The following RAD51B variants were observed in gnomAD, a reference collection of about 807,000 sequenced individuals.
The protein encoded by RAD51B is DNA repair protein RAD51 homolog 2.
RAD51B carries 38 observed loss-of-function variants against 42.2 expected under a neutral mutation model. The ratio of observed to expected loss-of-function variants is 0.90; its 90% CI spans 0.70 to 1.18. RAD51B has a LOEUF of 1.18. Among genes scored for constraint, RAD51B ranks in the 50% most tolerant of loss-of-function variants. The pLI, the probability that RAD51B is intolerant of heterozygous loss-of-function variation, is 0.00. For synonymous variants in RAD51B, 154 were observed against 145.2 expected (o/e 1.06, Z -0.43); for missense variants, 373 against 400.7 (o/e 0.93, Z 0.59).
At position 68,574,890 on chromosome 14, in the gene RAD51B, G is replaced by A. The variant is rs539664309; in HGVS notation, c.1037-19595G>A. ...TTTTGGTCTCCAGTAGCTATGAAGTGTGGGGGGGATTGGGGAAATAAGCCC... is the reference window on the plus strand; with the variant it reads ...TTTTGGTCTCCAGTAGCTATGAAGTATGGGGGGGATTGGGGAAATAAGCCC... On this transcript the variant is annotated intron_variant, in intron 10 of 10. Coordinates refer to the RAD51B transcript ENST00000487270. Among the ~76,000 whole-genome samples the A allele has an allele frequency of 3.3e-5, 5 of 152,342 alleles. No individual in the cohort carries two copies. The South Asian group carries it at 8.3e-4, about 25-fold the overall frequency.
chr14:68,200,905 G>A (rs888438175), intron 7 of RAD51B, among the ~76,000 whole-genome samples: 6 of 151,928 alleles, frequency 3.9e-5, no homozygotes, highest in East Asian at 1.9e-4. Flanking sequence ...CAATCCTCCC[G>A]CCTTGGTCTC....
intron 10 of RAD51B, among the ~76,000 whole-genome samples, chr14:68,543,879 G>C (rs889706311): frequency 6.6e-6 from 1 of 152,100 alleles, no homozygotes; most frequent in Non-Finnish European, 1.5e-5. Flanking sequence ...TCCTAATCTA[G>C]GACTCTTTTT....
At chr14:68,241,048 A>G (rs1350515216) in intron 7 of RAD51B, among the ~76,000 whole-genome samples, 5 of 152,150 alleles carry the variant, frequency 3.3e-5, no homozygotes, top group Admixed American at 6.5e-5. Flanking sequence ...TTCACCCCAG[A>G]TATCTACCTG....
In RAD51B at chr14:68,533,992, AAAAC is replaced by A. The variant is rs144624618; in HGVS notation, c.1037-60490_1037-60487del. On this transcript the variant is annotated intron_variant, in intron 10 of 10. Transcript: ENST00000487270. Reference sequence around the variant, plus strand: ...CATGGAATTGATCATGGGTAAAGAGAAAACAAGGACATGCGAGGAGGTGATAAAT... The same window carrying A: ...CATGGAATTGATCATGGGTAAAGAGAAAGGACATGCGAGGAGGTGATAAAT... 6.0e-3 allele frequency among the ~76,000 whole-genome samples: 913 copies of A among 152,330 alleles called. 12 individuals are homozygous for A. The highest frequency in any genetic ancestry group is 0.021 in the African/African-American group (886 of 41,584).
intron 7 of RAD51B, among the ~76,000 whole-genome samples, chr14:68,077,895 G>T (rs780212160): frequency 1.6e-4 from 24 of 152,232 alleles, no homozygotes; most frequent in Non-Finnish European, 2.6e-4. Context: ...AGTGGAGGTT[G>T]CAGTGAGCCA....
intron 10 of RAD51B, among the ~76,000 whole-genome samples, chr14:68,624,364 A>G (rs1339438918): frequency 3.9e-5 from 6 of 152,164 alleles, no homozygotes; most frequent in Admixed American, 3.9e-4. Context: ...CCATATGCCC[A>G]GTCTAAAGGG....
rs1187285199 is a variant in RAD51B at position 68,006,893 on chromosome 14, A to G, written c.756+119689A>G. ...AGAAATTGAGATATAAATGACATGC[A>G]ATAAAATTCACCATTTTAAAGTGTA... On this transcript the variant is annotated intron_variant, in intron 7 of 10. Coordinates refer to ENST00000471583, the MANE Select transcript of RAD51B (RefSeq NM_133510.4). Among the ~76,000 whole-genome samples, 3 of 152,310 alleles carry G rather than the reference A, an allele frequency of 2.0e-5. No individual in the cohort carries two copies. The South Asian group carries it at 6.2e-4, about 32-fold the overall frequency.
chr14:68,226,420 T>C (rs1233993609), intron 7 of RAD51B, among the ~76,000 whole-genome samples: 1 of 152,200 alleles, frequency 6.6e-6, no homozygotes. Flanking sequence ...AATCTCACCT[T>C]GAATTGTAGC....
intron 8 of RAD51B, among the ~76,000 whole-genome samples, chr14:68,351,044 A>G (rs2082776262): frequency 6.6e-6 from 1 of 152,212 alleles, no homozygotes; most frequent in Non-Finnish European, 1.5e-5. Flanking sequence ...ATAAACTTGT[A>G]GAAGGTACTG....
intron 7 of RAD51B, among the ~76,000 whole-genome samples, chr14:68,138,363 A>G (rs1481056361): frequency 2.6e-5 from 4 of 152,224 alleles, no homozygotes; most frequent in African/African-American, 7.2e-5. Flanking sequence ...GTAGTTTCAC[A>G]TAATAAAACA....
At chr14:68,278,890 CTT>C (rs2081271517) in intron 7 of RAD51B, among the ~76,000 whole-genome samples, 1 of 152,152 alleles carries the variant, frequency 6.6e-6, no homozygotes, top group African/African-American at 2.4e-5. Context: ...GATAGGAAAC[CTT>C]TAATAAGACT....
Position 68,277,815 on chromosome 14 carries a change from T to G in RAD51B, c.757-14069T>G, listed in dbSNP as rs141304871. The stretch of plus-strand genomic sequence containing the variant: ...GTGTAGTGGCATAATCTTGGCTCAC[T>G]GCAACCTCCGTCTCCCAGGTTCAAG... On this transcript the variant is annotated intron_variant, in intron 7 of 10. Coordinates refer to ENST00000471583, the MANE Select transcript of RAD51B (RefSeq NM_133510.4). 9.5e-3 allele frequency among the ~76,000 whole-genome samples: 1,450 copies of G among 152,294 alleles called. 28 individuals carry two copies. Among genetic ancestry groups the G allele is most frequent in the East Asian group, 0.057 (294 of 5,182 alleles).
At chr14:67,877,420 A>T (rs1456386240) in intron 5 of RAD51B, among the ~76,000 whole-genome samples, 1 of 151,930 alleles carries the variant, frequency 6.6e-6, no homozygotes, top group Non-Finnish European at 1.5e-5. Flanking sequence ...AAAATGATTG[A>T]CTCCGAGAAA....
At chr14:68,570,269 ACTGGCAGGAC>A (rs955724374) in intron 10 of RAD51B, among the ~76,000 whole-genome samples, 2 of 152,158 alleles carry the variant, frequency 1.3e-5, no homozygotes, top group Non-Finnish European at 2.9e-5. Context: ...GGAATCAAGC[ACTGGCAGGAC>A]CTGGGTCAGG....
chr14:67,831,815 A>C (rs1354656021), intron 3 of RAD51B, among the ~76,000 whole-genome samples: 1 of 152,120 alleles, frequency 6.6e-6, no homozygotes, highest in South Asian at 2.1e-4. Flanking sequence ...AAATGCTGGG[A>C]TTACAGGCGT....
chr14:68,173,731 T>C (rs1378477933), intron 7 of RAD51B, among the ~76,000 whole-genome samples: 1 of 152,218 alleles, frequency 6.6e-6, no homozygotes, highest in South Asian at 2.1e-4. Flanking sequence ...TGTTCCTGGC[T>C]TCTTTCCTTG....
intron 7 of RAD51B, among the ~76,000 whole-genome samples, chr14:68,023,415 C>A (rs539045236): frequency 8.5e-5 from 13 of 152,256 alleles, no homozygotes; most frequent in African/African-American, 3.1e-4. Context: ...GCAACCTCCG[C>A]CTCCCAGGTT....
intron 10 of RAD51B, among the ~76,000 whole-genome samples, chr14:68,496,653 G>A (rs1010409387): frequency 1.3e-5 from 2 of 152,234 alleles, no homozygotes; most frequent in Non-Finnish European, 2.9e-5. Context: ...CCAGTGGCCT[G>A]GCCTATTGCC....
intron 7 of RAD51B, among the ~76,000 whole-genome samples, chr14:67,964,870 T>G (rs2074740014): frequency 6.6e-6 from 1 of 152,216 alleles, no homozygotes; most frequent in Non-Finnish European, 1.5e-5. Context: ...TTTTGGAAAC[T>G]ACTAAAGAAG....
Sources: allele counts gnomAD v4.1 joint callset (sites outside exome capture counted in the v4.1 genomes callset), GRCh38; gene constraint gnomAD v4.1.1; transcripts MANE v1.5; gene names NCBI Gene and HGNC (gene_info 2026-07-23, HGNC 2026-07-21).